Variants in FHIT observed in about 807,000 individuals in gnomAD.
The protein encoded by FHIT is bis(5'-adenosyl)-triphosphatase.
A neutral mutation model predicts 17.9 loss-of-function variants in FHIT; 19 were observed. The ratio of observed to expected loss-of-function variants is 1.06; its 90% CI spans 0.74 to 1.56. The LOEUF is 1.56. Ranked by LOEUF, FHIT falls within the 40% of genes most tolerant of loss-of-function variation. The pLI is 0.00. For synonymous variants in FHIT, 81 were observed against 69.7 expected (o/e 1.16, Z -0.81); for missense variants, 248 against 189.2 (o/e 1.31, Z -1.82).
rs76103663 is a variant in FHIT at position 61,138,200 on chromosome 3, C to G, written c.-164+62417G>C. On this transcript the variant is annotated intron_variant, in intron 2 of 9. Transcript: ENST00000492590. ...CTACCTAGTCTATCTACAAATATGT[C>G]TTAGTCCAAGACCACACTTCTGAGA... Among the ~76,000 whole-genome samples the G allele has an allele frequency of 1.1e-3, 164 of 152,334 alleles. No homozygotes were observed. In the Middle Eastern group the frequency reaches 0.041, roughly 38 times the overall value.
chr3:61,077,491 A>G (rs1449620006), intron 2 of FHIT, among the ~76,000 whole-genome samples: 1 of 152,108 alleles, frequency 6.6e-6, no homozygotes, highest in African/African-American at 2.4e-5. Flanking sequence ...CAAACAAAAA[A>G]AAACAGCCAT....
intron 4 of FHIT, among the ~76,000 whole-genome samples, chr3:60,551,704 G>C (rs950884055): frequency 6.7e-6 from 1 of 148,604 alleles, no homozygotes; most frequent in Non-Finnish European, 1.5e-5. Flanking sequence ...GCTGCAGTGA[G>C]CTGTGATCAT....
At chr3:60,471,587 G>A (rs1271726250) in intron 5 of FHIT, among the ~76,000 whole-genome samples, 5 of 152,146 alleles carry the variant, frequency 3.3e-5, no homozygotes, top group Admixed American at 6.5e-5. Context: ...GCAGGAGAAT[G>A]GCGGAATGGT....
chr3:59,805,446 C>T (rs532210281), intron 8 of FHIT, among the ~76,000 whole-genome samples: 3 of 152,158 alleles, frequency 2.0e-5, no homozygotes, highest in East Asian at 3.9e-4. Context: ...TTTGTCCTTG[C>T]GGCAGGTTAG....
At chr3:60,028,514 G>C (rs999738215) in intron 5 of FHIT, among the ~76,000 whole-genome samples, 6 of 152,156 alleles carry the variant, frequency 3.9e-5, no homozygotes, top group African/African-American at 1.2e-4. Flanking sequence ...AGCCAGCAAA[G>C]TATGTAGTTT....
intron 8 of FHIT, among the ~76,000 whole-genome samples, chr3:59,809,940 T>C (rs770126425): frequency 2.6e-5 from 4 of 152,160 alleles, no homozygotes; most frequent in Non-Finnish European, 2.9e-5. Flanking sequence ...TTATAATTTT[T>C]ATCACATTAT....
At chr3:60,695,645 T>C (rs904837750) in intron 4 of FHIT, among the ~76,000 whole-genome samples, 2 of 152,100 alleles carry the variant, frequency 1.3e-5, no homozygotes, top group African/African-American at 4.8e-5. Flanking sequence ...TGTAGCAGAG[T>C]GCCTAATCCC....
chr3:60,083,590 G>A (rs2107056531), intron 5 of FHIT, among the ~76,000 whole-genome samples: 1 of 152,222 alleles, frequency 6.6e-6, no homozygotes, highest in South Asian at 2.1e-4. Flanking sequence ...AGCATACTGT[G>A]CGGTCTTTGA....
intron 5 of FHIT, among the ~76,000 whole-genome samples, chr3:60,269,969 G>A (rs984628233): frequency 7.9e-5 from 12 of 152,132 alleles, no homozygotes; most frequent in African/African-American, 2.7e-4. Flanking sequence ...ATCTATTCAG[G>A]CCCATAGCTT....
intron 3 of FHIT, among the ~76,000 whole-genome samples, chr3:60,925,493 A>T (rs1373670167): frequency 1.3e-5 from 2 of 152,144 alleles, no homozygotes; most frequent in Non-Finnish European, 2.9e-5. Flanking sequence ...TAAAATACTT[A>T]ACAGACAAGC....
intron 5 of FHIT, among the ~76,000 whole-genome samples, chr3:60,014,766 T>A (rs1329809744): frequency 6.6e-6 from 1 of 152,206 alleles, no homozygotes; most frequent in African/African-American, 2.4e-5. Flanking sequence ...AGACTAATTT[T>A]TTTTTTAGAA....
At chr3:59,912,315 T>C (rs1479981473) in intron 8 of FHIT, among the ~76,000 whole-genome samples, 2 of 152,134 alleles carry the variant, frequency 1.3e-5, no homozygotes, top group African/African-American at 2.4e-5. Flanking sequence ...AGAAGGTAAA[T>C]GGTAGACACC....
chr3:60,000,364 A>G (rs1699681493), intron 7 of FHIT, among the ~76,000 whole-genome samples: 1 of 152,228 alleles, frequency 6.6e-6, no homozygotes. Context: ...GAATACGGCC[A>G]TGCTTATTTG....
At position 60,441,741 on chromosome 3, in the gene FHIT, TA is replaced by T. The variant is rs1279062867; in HGVS notation, c.103+95118del. Among the ~76,000 whole-genome samples the T allele has an allele frequency of 2.6e-3, 255 of 98,796 alleles. 44 individuals are homozygous for T. The highest frequency in any genetic ancestry group is 6.2e-3 in the East Asian group (16 of 2,580). The allele number at this position is 98,796 out of a possible 152,430, so 64.8% of individuals were successfully genotyped here. A position where few individuals can be genotyped will look rare whatever the true frequency, so the allele number is the denominator to read the frequency against. On this transcript the variant is annotated intron_variant, in intron 5 of 9. Coordinates refer to ENST00000492590, the MANE Select transcript of FHIT (RefSeq NM_002012.4). ...ATATATATTTGTATTTATATATATA[TA>T]TTTATATATATAAAAATATATATAT...
chr3:59,853,335 A>T (rs1349429591), intron 8 of FHIT, among the ~76,000 whole-genome samples: 1 of 152,242 alleles, frequency 6.6e-6, no homozygotes, highest in Non-Finnish European at 1.5e-5. Context: ...TAGATATTTC[A>T]AACTGGCCAT....
intron 4 of FHIT, among the ~76,000 whole-genome samples, chr3:60,587,050 T>C (rs2037930067): frequency 6.6e-6 from 1 of 151,948 alleles, no homozygotes. Flanking sequence ...TATTAAAAAA[T>C]TATTTCCTTC....
intron 8 of FHIT, among the ~76,000 whole-genome samples, chr3:59,785,765 G>T (rs1440920167): frequency 6.6e-6 from 1 of 152,214 alleles, no homozygotes; most frequent in African/African-American, 2.4e-5. Flanking sequence ...ACTTAAATTT[G>T]CAGCATGCTC....
intron 5 of FHIT, among the ~76,000 whole-genome samples, chr3:60,196,757 A>G (rs1702660273): frequency 6.6e-6 from 1 of 152,108 alleles, no homozygotes; most frequent in African/African-American, 2.4e-5. Context: ...ATGCACACAC[A>G]TATCCATTAC....
At chr3:61,239,774 T>TATATATATATATATATAC (rs1415741775) in intron 1 of FHIT, among the ~76,000 whole-genome samples, 1 of 137,464 alleles carries the variant, frequency 7.3e-6, no homozygotes. Flanking sequence ...TATATATATA[T>TATATATATATATATATAC]ATATATATAT....
Sources: allele counts gnomAD v4.1 joint callset (sites outside exome capture counted in the v4.1 genomes callset), GRCh38; gene constraint gnomAD v4.1.1; transcripts MANE v1.5; gene names NCBI Gene and HGNC (gene_info 2026-07-23, HGNC 2026-07-21).